TF: variants seen among roughly 807,000 people sequenced by gnomAD.
TF encodes transferrin.
A neutral mutation model predicts 82.4 loss-of-function variants in TF; 55 were observed. The observed-to-expected ratio is 0.67, with a 90% CI of 0.54 to 0.84. The LOEUF (loss-of-function observed/expected upper bound fraction) is 0.84, where lower values mean the gene tolerates loss of function less well. Among genes scored for constraint, TF ranks in the 40% least tolerant of loss-of-function variants. TF has a pLI of 0.00. For missense variants in TF, 737 were observed against 868.4 expected (o/e 0.85, Z 1.90); for synonymous variants, 332 against 332.6 (o/e 1.00, Z 0.02).
At chr3:133,664,974 G>A in the TF span, 1 of 152,112 alleles carries the variant, frequency 6.6e-6, no homozygotes, top group Admixed American at 6.5e-5. Context: ...GAATGATACA[G>A]AGATAAGCAT....
chr3:133,764,070 A>G lies in TF; in HGVS notation c.1204-112A>G, dbSNP rs8177273. 7.7e-5 allele frequency: 67 copies of G among 870,790 alleles called. 1 individual carries two copies. The African/African-American group carries it at 9.1e-4, about 12-fold the overall frequency. The allele number at this position is 870,790 out of a possible 1,614,324, so 53.9% of individuals were successfully genotyped here. ...TGGGGGTTCAGTATCAGCATCTGCT[A>G]TCTCCCTGGCATTCATGTGCTGGAA... On this transcript the variant is annotated intron_variant, in intron 9 of 16. Transcript: ENST00000402696.
At chr3:133,756,681 G>T in intron 6 of TF, 150 bp from the exon 7 acceptor site, 1 of 975,580 alleles carries the variant, frequency 1.0e-6, no homozygotes, top group East Asian at 2.5e-5. Context: ...GTGGGCTCTT[G>T]AGCGAGTCAT....
At chr3:133,728,341 C>T in the TF span, among the ~76,000 whole-genome samples, 3 of 152,284 alleles carry the variant, frequency 2.0e-5, no homozygotes, top group East Asian at 3.9e-4. Flanking sequence ...TTCTTGGAGG[C>T]TTTGTTCGTT....
At chr3:133,767,278 C>T (rs1441363548) in intron 12 of TF, among the ~76,000 whole-genome samples, 1 of 152,222 alleles carries the variant, frequency 6.6e-6, no homozygotes, top group Non-Finnish European at 1.5e-5. Flanking sequence ...AGTTCTCCTA[C>T]AGACAGATGT....
chr3:133,755,671 T>C, intron 5 of TF, 176 bp downstream of exon 5: 1 of 790,028 alleles, frequency 1.3e-6, no homozygotes, highest in South Asian at 1.7e-5. Flanking sequence ...CCAGCCCATG[T>C]TCCCTTTCAT....
chr3:133,707,142 A>G, the TF span, among the ~76,000 whole-genome samples: 4 of 151,520 alleles, frequency 2.6e-5, no homozygotes, highest in Non-Finnish European at 5.9e-5. Context: ...ACTGACTGTG[A>G]TGGAGAAGGT....
chr3:133,789,772 T>C lies in TF; in HGVS notation c.*11152T>C, dbSNP rs1401508830. ...CCTTCAGAATTGTCAGCATATATTT[T>C]TGTCTGGGTTTTATATTTGTCTCTG... On this transcript the variant is annotated 3_prime_UTR_variant, in exon 17 of 17. Transcript: ENST00000402696. 1 of 152,204 alleles carries C rather than the reference T, an allele frequency of 6.6e-6. No individual in the cohort carries two copies. Among genetic ancestry groups the C allele is most frequent in the Admixed American group, 6.5e-5 (1 of 15,284 alleles). The allele number at this position is 152,204 out of a possible 1,614,324, so 9.4% of individuals were successfully genotyped here.
the TF span, among the ~76,000 whole-genome samples, chr3:133,695,690 C>A: frequency 6.6e-6 from 1 of 152,096 alleles, no homozygotes. Flanking sequence ...ACAGTAATTC[C>A]CCCTTATCCA....
chr3:133,685,689 G>A, the TF span, among the ~76,000 whole-genome samples: 361 of 152,256 alleles, frequency 2.4e-3, 1 homozygote, highest in African/African-American at 8.5e-3. Flanking sequence ...ACTACTCAAT[G>A]AAATAAAAGA....
In TF at chr3:133,780,971, C is replaced by T. The variant is rs926491266; in HGVS notation, c.*2351C>T. 6.6e-6 allele frequency: 1 copy of T among 151,942 alleles called. No individual in the cohort carries two copies. Among genetic ancestry groups the T allele is most frequent in the Admixed American group, 6.6e-5 (1 of 15,242 alleles). The allele number at this position is 151,942 out of a possible 1,614,324, so 9.4% of individuals were successfully genotyped here. On this transcript the variant is annotated 3_prime_UTR_variant, in exon 17 of 17. Coordinates refer to ENST00000402696, the MANE Select transcript of TF (RefSeq NM_001063.4). Reference sequence around the variant, plus strand: ...GAGGTTGCAGTGAGCCAAGGTCGCACCAGAGCACTCCAGCCTAGTGACAGA... The same window carrying T: ...GAGGTTGCAGTGAGCCAAGGTCGCATCAGAGCACTCCAGCCTAGTGACAGA...
chr3:133,768,244 T>G, intron 13 of TF, 80 bp downstream of exon 13: 1 of 1,560,770 alleles, frequency 6.4e-7, no homozygotes, highest in African/African-American at 1.4e-5. Flanking sequence ...GGTAAGATTC[T>G]TAGGTTCCTA....
chr3:133,691,375 T>C, the TF span, among the ~76,000 whole-genome samples: 1 of 152,214 alleles, frequency 6.6e-6, no homozygotes, highest in Non-Finnish European at 1.5e-5. Context: ...TGCTAGGTGC[T>C]CCTCTAGGTG....
chr3:133,732,960 A>T, the TF span, among the ~76,000 whole-genome samples: 8 of 152,178 alleles, frequency 5.3e-5, no homozygotes, highest in East Asian at 3.9e-4. Context: ...TGGTGTCTTC[A>T]GTCAGGGAGA....
At chr3:133,730,291 A>G in the TF span, among the ~76,000 whole-genome samples, 1 of 152,130 alleles carries the variant, frequency 6.6e-6, no homozygotes, top group Non-Finnish European at 1.5e-5. Flanking sequence ...TGGAAATGGC[A>G]TTTTCACATC....
chr3:133,704,681 A>ATTT, the TF span, among the ~76,000 whole-genome samples: 5 of 152,198 alleles, frequency 3.3e-5, no homozygotes, highest in Non-Finnish European at 1.5e-5. Context: ...ACATTTTATC[A>ATTT]TAGGTGAGAA....
intron 12 of TF, among the ~76,000 whole-genome samples, chr3:133,766,801 C>T (rs1934137941): frequency 6.6e-6 from 1 of 152,152 alleles, no homozygotes; most frequent in Admixed American, 6.5e-5. Flanking sequence ...TTCAAGGTCA[C>T]CCCATGGTTG....
At chr3:133,697,710 A>G in the TF span, among the ~76,000 whole-genome samples, 1 of 152,166 alleles carries the variant, frequency 6.6e-6, no homozygotes, top group African/African-American at 2.4e-5. Context: ...GGTCATATTG[A>G]TTCTCTAAAT....
the TF span, among the ~76,000 whole-genome samples, chr3:133,683,227 C>T: frequency 1.1e-4 from 16 of 152,252 alleles, no homozygotes; most frequent in South Asian, 2.1e-4. Flanking sequence ...AAGGAAAAAC[C>T]GGTACCAGCC....
At chr3:133,703,665 T>G in the TF span, among the ~76,000 whole-genome samples, 3,208 of 151,206 alleles carry the variant, frequency 0.021, 52 homozygotes, top group African/African-American at 0.039. Context: ...TGTATATGCA[T>G]GTTTTTATCT....
Sources: allele counts gnomAD v4.1 joint callset (sites outside exome capture counted in the v4.1 genomes callset), GRCh38; gene constraint gnomAD v4.1.1; transcripts MANE v1.5; gene names NCBI Gene and HGNC (gene_info 2026-07-23, HGNC 2026-07-21).